The following CPAP variants were observed in gnomAD, a reference collection of about 807,000 sequenced individuals.
CPAP encodes centrosomal P4.1-associated protein.
At chr13:24,902,639 A>G in the CPAP span, among the ~76,000 whole-genome samples, 2 of 152,204 alleles carry the variant, frequency 1.3e-5, no homozygotes, top group Non-Finnish European at 2.9e-5. Context: ...AGAAATACGG[A>G]AGAGATGTTA....
At chr13:24,885,929 C>T in the CPAP span, 1 of 495,342 alleles carries the variant, frequency 2.0e-6, no homozygotes, top group Admixed American at 3.3e-5. Context: ...CCTGACAGAC[C>T]CAAATGTATT....
chr13:24,912,763 G>T, the CPAP span: 1 of 1,614,044 alleles, frequency 6.2e-7, no homozygotes, highest in African/African-American at 1.3e-5. Flanking sequence ...ATCTGACTGT[G>T]GTTTGTAAGG....
chr13:24,897,223 C>T, the CPAP span, among the ~76,000 whole-genome samples: 6 of 152,090 alleles, frequency 3.9e-5, no homozygotes. Flanking sequence ...GTCTGGGCCA[C>T]AGAGTGTGTC....
the CPAP span, among the ~76,000 whole-genome samples, chr13:24,889,574 C>T: frequency 1.1e-5 from 1 of 93,278 alleles, no homozygotes; most frequent in East Asian, 2.1e-4. Flanking sequence ...AATCACTGCG[C>T]GTGTGCACAC....
At chr13:24,926,195 G>GT in the CPAP span, among the ~76,000 whole-genome samples, 1 of 152,236 alleles carries the variant, frequency 6.6e-6, no homozygotes, top group Non-Finnish European at 1.5e-5. Flanking sequence ...TGTGCGGGAA[G>GT]TAAGTAATTG....
the CPAP span, chr13:24,892,540 A>G: frequency 1.1e-6 from 1 of 879,374 alleles, no homozygotes. Flanking sequence ...CTGCCCCCCC[A>G]GCCCCTGGCA....
the CPAP span, chr13:24,908,253 C>T: frequency 1.2e-5 from 8 of 663,160 alleles, no homozygotes; most frequent in East Asian, 2.9e-5. Flanking sequence ...ACAGATTTTA[C>T]AACACTCAAG....
At chr13:24,911,542 C>T in the CPAP span, among the ~76,000 whole-genome samples, 1 of 151,928 alleles carries the variant, frequency 6.6e-6, no homozygotes, top group East Asian at 1.9e-4. Flanking sequence ...TTCTATTGGA[C>T]CTTTTTTGGG....
chr13:24,921,529 C>T, the CPAP span, among the ~76,000 whole-genome samples: 1 of 152,114 alleles, frequency 6.6e-6, no homozygotes, highest in Non-Finnish European at 1.5e-5. Context: ...TTAAGATTAG[C>T]GCACTTTACT....
chr13:24,920,655 C>G, the CPAP span, among the ~76,000 whole-genome samples: 2 of 140,330 alleles, frequency 1.4e-5, no homozygotes, highest in African/African-American at 2.6e-5. Context: ...GAGTCTCACT[C>G]TGTTGCCCAG....
At chr13:24,883,335 G>C in the CPAP span, 2 of 1,613,192 alleles carry the variant, frequency 1.2e-6, no homozygotes, top group South Asian at 2.2e-5. Flanking sequence ...AGTTCTCTTT[G>C]GCCATTATTA....
chr13:24,910,001 G>T, the CPAP span: 6 of 1,614,124 alleles, frequency 3.7e-6, no homozygotes, highest in Non-Finnish European at 5.1e-6. Flanking sequence ...CATATGATGG[G>T]AAGCAGCATG....
the CPAP span, chr13:24,883,068 C>G: frequency 1.0e-6 from 1 of 983,532 alleles, no homozygotes; most frequent in Non-Finnish European, 1.6e-6. Flanking sequence ...ATTTTAGAAT[C>G]TAATCTTTTC....
the CPAP span, among the ~76,000 whole-genome samples, chr13:24,927,803 C>T: frequency 6.6e-6 from 1 of 152,174 alleles, no homozygotes; most frequent in African/African-American, 2.4e-5. Flanking sequence ...CCCAACGGAG[C>T]CAATACTTTT....
the CPAP span, among the ~76,000 whole-genome samples, chr13:24,895,562 AAAAG>A: frequency 6.6e-6 from 1 of 151,940 alleles, no homozygotes; most frequent in African/African-American, 2.4e-5. Context: ...GTCAAGAAAG[AAAAG>A]AAAGAAAAGA....
chr13:24,926,690 G>A, the CPAP span, among the ~76,000 whole-genome samples: 3 of 152,106 alleles, frequency 2.0e-5, no homozygotes, highest in Non-Finnish European at 2.9e-5. Flanking sequence ...AAAAAGACAA[G>A]GGATACACTA....
At chr13:24,885,630 A>C in the CPAP span, 1 of 1,612,904 alleles carries the variant, frequency 6.2e-7, no homozygotes, top group Non-Finnish European at 8.5e-7. Flanking sequence ...AATTGCCTAA[A>C]TCACGAGGAG....
At chr13:24,890,389 T>C in the CPAP span, among the ~76,000 whole-genome samples, 1 of 152,290 alleles carries the variant, frequency 6.6e-6, no homozygotes, top group East Asian at 1.9e-4. Flanking sequence ...ATTCTGTTAA[T>C]TCCCCACCCC....
chr13:24,923,245 T>G, the CPAP span, among the ~76,000 whole-genome samples: 1 of 60,510 alleles, frequency 1.7e-5, no homozygotes, highest in Non-Finnish European at 2.9e-5. Flanking sequence ...TTGGGTTTTG[T>G]TTTTTTTTTT....
Sources: gnomAD v4.1 joint callset for allele counts (sites outside exome capture counted in the v4.1 genomes callset) on GRCh38, gnomAD v4.1.1 for gene constraint, MANE v1.5 for transcripts, NCBI Gene and HGNC (gene_info 2026-07-23, HGNC 2026-07-21) for gene names.